The following TENT2 variants were observed in gnomAD, a reference collection of about 807,000 sequenced individuals.
TENT2 encodes the protein poly(A) RNA polymerase GLD2.
In TENT2, 44 loss-of-function variants were observed where a neutral mutation model predicts 72.2. That is an observed-to-expected ratio of 0.61 (90% CI 0.48 to 0.78). The LOEUF is 0.78. Among genes scored for constraint, TENT2 ranks in the 30% least tolerant of loss-of-function variants. The probability of loss-of-function intolerance (pLI) is 0.00; values close to 1 mark genes in which losing one functional copy is unlikely to be tolerated. For synonymous variants in TENT2, 212 were observed against 192.5 expected (o/e 1.10, Z -0.84); for missense variants, 541 against 569.6 (o/e 0.95, Z 0.51).
chr5:79,635,974 T>C lies in TENT2; in HGVS notation c.466-4877T>C, dbSNP rs966875942. Among the ~76,000 whole-genome samples the C allele has an allele frequency of 3.3e-5, 5 of 152,344 alleles. No individual in the cohort carries two copies. In the East Asian group the frequency reaches 9.6e-4, roughly 29 times the overall value. Reference sequence around the variant, plus strand: ...GTTGGCAGAAGGGCCAGATAGTAAATATTTAGGCACGTGGGCTATGTAGGT... The same window carrying C: ...GTTGGCAGAAGGGCCAGATAGTAAACATTTAGGCACGTGGGCTATGTAGGT... On this transcript the variant is annotated intron_variant, in intron 4 of 14. Transcript: ENST00000453514.
chr5:79,649,410 T>G (rs1791857076), intron 10 of TENT2, among the ~76,000 whole-genome samples: 1 of 141,784 alleles, frequency 7.1e-6, no homozygotes, highest in Non-Finnish European at 1.5e-5. Context: ...TTTTTGGAAG[T>G]TTTTCTATAG....
intron 4 of TENT2, among the ~76,000 whole-genome samples, chr5:79,629,950 A>G (rs1178243359): frequency 7.1e-6 from 1 of 141,374 alleles, no homozygotes; most frequent in Non-Finnish European, 1.5e-5. Context: ...CCTGACCAAT[A>G]TGGTGAAACC....
At chr5:79,651,835 T>C (rs116756171) in intron 10 of TENT2, among the ~76,000 whole-genome samples, 3,118 of 152,142 alleles carry the variant, frequency 0.02, 55 homozygotes, top group South Asian at 0.044. Context: ...GTGTCAACCT[T>C]GTCCGTTCTT....
intron 11 of TENT2, among the ~76,000 whole-genome samples, chr5:79,659,688 GTAT>G (rs1465055992): frequency 6.8e-6 from 1 of 147,398 alleles, no homozygotes; most frequent in Non-Finnish European, 1.5e-5. Context: ...AACTTGCAAG[GTAT>G]TATTCCTCTT....
intron 4 of TENT2, among the ~76,000 whole-genome samples, chr5:79,630,207 G>A (rs188408131): frequency 4.6e-5 from 7 of 152,282 alleles, no homozygotes; most frequent in Non-Finnish European, 7.4e-5. Flanking sequence ...ATTAGTGAGT[G>A]CTGAGAGAAT....
intron 14 of TENT2, 104 bp downstream of exon 14, chr5:79,682,165 A>G: frequency 1.5e-6 from 1 of 659,426 alleles, no homozygotes. Flanking sequence ...TCTTCTGTGA[A>G]TCCATTAATA....
intron 1 of TENT2, among the ~76,000 whole-genome samples, chr5:79,618,142 C>T (rs949159110): frequency 6.6e-6 from 1 of 152,056 alleles, no homozygotes; most frequent in African/African-American, 2.4e-5. Context: ...TTTTCCTTTT[C>T]GTTCTTTCTA....
chr5:79,676,227 A>G (rs1580658532), intron 12 of TENT2, among the ~76,000 whole-genome samples: 2 of 151,756 alleles, frequency 1.3e-5, no homozygotes, highest in Non-Finnish European at 2.9e-5. Context: ...TGACTTTATT[A>G]GACTTGAATT....
rs1787902985 is a variant in TENT2 at position 79,645,255 on chromosome 5, T to TA, written c.821+66dup. The stretch of plus-strand genomic sequence containing the variant: ...AGATCATTTTTAGATACTCATCTGA[T>TA]AAAGATAATTAAGAAGTGTATGTTG... On this transcript the variant is annotated intron_variant, in intron 8 of 14. Coordinates refer to ENST00000453514, the MANE Select transcript of TENT2 (RefSeq NM_001114394.3). 2.5e-6 allele frequency: 3 copies of TA among 1,223,462 alleles called. No homozygotes were observed. In the African/African-American group the frequency reaches 4.6e-5, roughly 19 times the overall value. 75.8% of individuals were successfully genotyped at this position (1,223,462 alleles called of 1,614,324 possible).
At chr5:79,642,938 T>A in intron 7 of TENT2, 28 bp downstream of exon 7, 3 of 1,603,620 alleles carry the variant, frequency 1.9e-6, no homozygotes, top group Non-Finnish European at 2.6e-6. Flanking sequence ...CAAGTTTGTA[T>A]GTCACCTGAC....
intron 4 of TENT2, among the ~76,000 whole-genome samples, chr5:79,625,556 T>C (rs1346977286): frequency 6.6e-6 from 1 of 152,102 alleles, no homozygotes; most frequent in Non-Finnish European, 1.5e-5. Flanking sequence ...GCCCCGCCTA[T>C]GTGTTATTCT....
chr5:79,635,667 G>A (rs1055478309), intron 4 of TENT2, among the ~76,000 whole-genome samples: 3 of 152,070 alleles, frequency 2.0e-5, no homozygotes, highest in African/African-American at 7.2e-5. Context: ...CGATTCTCCT[G>A]CCTCAGCCTC....
rs1325262422 is a variant in TENT2, at chr5:79,687,118, C to T, written c.*1845C>T. 3.0e-5 allele frequency among the ~76,000 whole-genome samples: 2 copies of T among 65,756 alleles called. No individual in the cohort carries two copies. The highest frequency in any genetic ancestry group is 5.6e-5 in the Non-Finnish European group (2 of 35,670). 43.1% of individuals were successfully genotyped at this position (65,756 alleles called of 152,430 possible). ...CACTGTTTTCTCAGTTTTCAGTGGC[C>T]CCACACTTACTACTGCTTTTCTTTG... On this transcript the variant is annotated 3_prime_UTR_variant, in exon 15 of 15. Transcript: ENST00000453514.
chr5:79,680,151 A>C (rs1413269969), intron 13 of TENT2, among the ~76,000 whole-genome samples: 1 of 152,206 alleles, frequency 6.6e-6, no homozygotes, highest in East Asian at 1.9e-4. Flanking sequence ...TTGAGTGAGT[A>C]GAAAACTGAC....
intron 11 of TENT2, among the ~76,000 whole-genome samples, chr5:79,658,114 A>G (rs749766866): frequency 6.7e-6 from 1 of 149,942 alleles, no homozygotes; most frequent in Non-Finnish European, 1.5e-5. Flanking sequence ...TGGAGATCTC[A>G]CATTCTGTGG....
At chr5:79,637,519 C>T (rs1781060863) in intron 4 of TENT2, among the ~76,000 whole-genome samples, 1 of 152,098 alleles carries the variant, frequency 6.6e-6, no homozygotes, top group African/African-American at 2.4e-5. Context: ...CTCGACCTCC[C>T]AGGCTCAAGC....
Position 79,646,769 on chromosome 5 carries a change from C to CT in TENT2, c.821+1592dup, listed in dbSNP as rs148646986. Among the ~76,000 whole-genome samples, 1,044 of 137,452 alleles carry CT rather than the reference C, an allele frequency of 7.6e-3. 7 individuals carry two copies. Among genetic ancestry groups the CT allele is most frequent in the Non-Finnish European group, 8.7e-3 (541 of 62,108 alleles). 90.2% of individuals were successfully genotyped at this position (137,452 alleles called of 152,430 possible). ...CCTGCAAACTTTTTTTGTTCCTAAG[C>CT]TTTTTTTTTTTTTTTAAGAGACAGG... On this transcript the variant is annotated intron_variant, in intron 8 of 14. Coordinates refer to ENST00000453514, the MANE Select transcript of TENT2 (RefSeq NM_001114394.3).
intron 4 of TENT2, among the ~76,000 whole-genome samples, chr5:79,632,279 G>T (rs184056931): frequency 3.9e-4 from 59 of 152,242 alleles, no homozygotes; most frequent in Middle Eastern, 6.8e-3. Flanking sequence ...TAAACATAAA[G>T]AATTGAATTT....
intron 1 of TENT2, among the ~76,000 whole-genome samples, chr5:79,619,347 C>T (rs1385019572): frequency 6.6e-6 from 1 of 151,924 alleles, no homozygotes; most frequent in Non-Finnish European, 1.5e-5. Context: ...TTTGTTGATA[C>T]GAGGGTAAAA....
Sources: gnomAD v4.1 joint callset for allele counts (sites outside exome capture counted in the v4.1 genomes callset) on GRCh38, gnomAD v4.1.1 for gene constraint, MANE v1.5 for transcripts, NCBI Gene and HGNC (gene_info 2026-07-23, HGNC 2026-07-21) for gene names.